Variants in CTBP2 observed in about 807,000 individuals in gnomAD.
CTBP2 encodes C-terminal-binding protein 2.
A neutral mutation model predicts 80.3 loss-of-function variants in CTBP2; 30 were observed. The ratio of observed to expected loss-of-function variants is 0.37; its 90% confidence interval spans 0.28 to 0.51. The LOEUF (loss-of-function observed/expected upper bound fraction) is 0.51, where lower values mean the gene tolerates loss of function less well. Among genes scored for constraint, CTBP2 ranks in the 20% least tolerant of loss-of-function variants. The probability of loss-of-function intolerance (pLI) is 0.93; values close to 1 mark genes in which losing one functional copy is unlikely to be tolerated. For synonymous variants in CTBP2, 594 were observed against 587.4 expected, an observed-to-expected ratio of 1.01 and a Z score of -0.16; for missense variants, 1,212 against 1,375.3, an observed-to-expected ratio of 0.88 and a Z score of 1.88.
upstream of CTBP2, among the ~76,000 whole-genome samples, chr10:125,162,083 T>G (rs1221466213): frequency 6.6e-6 from 1 of 152,240 alleles, no homozygotes; most frequent in Non-Finnish European, 1.5e-5. Context: ...CTCACTACCC[T>G]GAGTTCGGCG....
At position 125,028,004 on chromosome 10, in the gene CTBP2, T is replaced by C. The variant is rs1564746309; in HGVS notation, c.-245A>G. On this transcript the variant is annotated 5_prime_UTR_variant, in exon 1 of 9. Transcript: ENST00000309035. ...AACGATAGCCAGAGAGGTCTGTTCC[T>C]TACAGCTCAGTCCCGGAGAGGAGGC... The C allele has an allele frequency of 4.3e-6, 5 of 1,153,410 alleles. No individual in the cohort carries two copies. The East Asian group carries it at 1.7e-4, about 39-fold the overall frequency. The allele number at this position is 1,153,410 out of a possible 1,614,324, so 71.4% of individuals were successfully genotyped here. A position where few individuals can be genotyped will look rare whatever the true frequency, so the allele number is the denominator to read the frequency against.
chr10:125,082,589 C>T lies in CTBP2; in HGVS notation c.-102+28401G>A, dbSNP rs73377251. ...CCATGATCATTCTGCCAGCTTTCCTCTTTTTTTTTTTTTTTTTTGAAACAG... is the reference window on the plus strand; with the variant it reads ...CCATGATCATTCTGCCAGCTTTCCTTTTTTTTTTTTTTTTTTTTGAAACAG... On this transcript the variant is annotated intron_variant, in intron 2 of 10. Transcript: ENST00000337195. 1.3e-3 allele frequency among the ~76,000 whole-genome samples: 166 copies of T among 131,034 alleles called. 1 individual carries two copies. The highest frequency in any genetic ancestry group is 4.5e-3 in the African/African-American group (146 of 32,216). The allele number at this position is 131,034 out of a possible 152,430, so 86.0% of individuals were successfully genotyped here.
chr10:125,117,953 CAT>C (rs571399990), intron 1 of CTBP2, among the ~76,000 whole-genome samples: 135 of 152,326 alleles, frequency 8.9e-4, no homozygotes, highest in African/African-American at 3.2e-3. Flanking sequence ...AGAAACTTTA[CAT>C]ACACAGTCTT....
chr10:125,064,012 C>A (rs1307436746), intron 2 of CTBP2, among the ~76,000 whole-genome samples: 2 of 151,974 alleles, frequency 1.3e-5, no homozygotes, highest in African/African-American at 2.4e-5. Context: ...ATTTAATTAT[C>A]CAACTCCAAT....
At chr10:125,135,778 G>A (rs1856885240) in intron 1 of CTBP2, among the ~76,000 whole-genome samples, 1 of 152,014 alleles carries the variant, frequency 6.6e-6, no homozygotes, top group Non-Finnish European at 1.5e-5. Context: ...TTCTCGGTGT[G>A]TGGCCCTGGG....
In CTBP2 at chr10:125,020,324, A is replaced by C. The variant is rs112791535; in HGVS notation, c.1678+5758T>G. ...TGGGGGGATGGGATGGGGACAGCAC[A>C]GCCACACAAAACTATTATCTAGAAA... is the stretch of plus-strand genomic sequence containing the variant. On this transcript the variant is annotated intron_variant, in intron 1 of 8. Transcript: ENST00000309035. Among the ~76,000 whole-genome samples the C allele has an allele frequency of 3.3e-3, 503 of 152,212 alleles. 2 individuals are homozygous for C. Among genetic ancestry groups the C allele is most frequent in the African/African-American group, 0.011 (457 of 41,532 alleles).
chr10:125,013,563 T>C (rs1956155541), intron 1 of CTBP2, among the ~76,000 whole-genome samples: 1 of 152,222 alleles, frequency 6.6e-6, no homozygotes, highest in Non-Finnish European at 1.5e-5. Flanking sequence ...TTATACCATA[T>C]GCTGAGCATC....
chr10:125,139,556 GC>G, intron 1 of CTBP2, among the ~76,000 whole-genome samples: 1 of 151,946 alleles, frequency 6.6e-6, no homozygotes, highest in South Asian at 2.1e-4. Context: ...CTGTTCATTA[GC>G]CCCTGTTTTT....
chr10:125,098,730 G>GAGAGAGAGAC (rs1564914377), intron 2 of CTBP2, among the ~76,000 whole-genome samples: 8 of 126,858 alleles, frequency 6.3e-5, no homozygotes, highest in African/African-American at 2.6e-4. Flanking sequence ...GAGACAGAGA[G>GAGAGAGAGAC]AGAGAGAGAG....
intron 1 of CTBP2, among the ~76,000 whole-genome samples, chr10:125,150,163 G>C (rs962021288): frequency 6.6e-6 from 1 of 152,208 alleles, no homozygotes; most frequent in African/African-American, 2.4e-5. Context: ...GAATGCCAGA[G>C]GCAACCAGAG....
At chr10:125,144,986 C>CCTT (rs1331112644) in intron 1 of CTBP2, among the ~76,000 whole-genome samples, 1 of 152,170 alleles carries the variant, frequency 6.6e-6, no homozygotes, top group African/African-American at 2.4e-5. Flanking sequence ...ATTTCCTCTG[C>CCTT]CTTCCTAGAA....
intron 2 of CTBP2, among the ~76,000 whole-genome samples, chr10:125,070,332 C>T (rs965822780): frequency 1.3e-5 from 2 of 152,100 alleles, no homozygotes; most frequent in African/African-American, 4.8e-5. Flanking sequence ...GCCTGAGTGA[C>T]AGAGAGAGAC....
chr10:125,085,810 TC>T (rs1847883737), intron 2 of CTBP2, among the ~76,000 whole-genome samples: 1 of 152,222 alleles, frequency 6.6e-6, no homozygotes, highest in African/African-American at 2.4e-5. Flanking sequence ...CAAGCCATTT[TC>T]CAGAGACACC....
chr10:125,060,197 C>T (rs1197162603), intron 2 of CTBP2, among the ~76,000 whole-genome samples: 1 of 152,032 alleles, frequency 6.6e-6, no homozygotes, highest in African/African-American at 2.4e-5. Context: ...TTTAAGGCAC[C>T]GTGTGCTATT....
chr10:125,062,277 A>G (rs1965122016), intron 2 of CTBP2, among the ~76,000 whole-genome samples: 1 of 152,210 alleles, frequency 6.6e-6, no homozygotes, highest in Non-Finnish European at 1.5e-5. Context: ...AGCAAATGTT[A>G]GTCCTTTTAT....
intron 1 of CTBP2, among the ~76,000 whole-genome samples, chr10:125,137,340 G>T (rs944133340): frequency 6.6e-6 from 1 of 152,178 alleles, no homozygotes; most frequent in African/African-American, 2.4e-5. Flanking sequence ...TTCCCAAGGG[G>T]CCTGGGAGTC....
intron 2 of CTBP2, among the ~76,000 whole-genome samples, chr10:125,098,700 G>C (rs12778532): frequency 0.34 from 28,444 of 82,960 alleles, 2,139 homozygotes; most frequent in Non-Finnish European, 0.41. Context: ...GAGAGAGAGA[G>C]AGAGAGACAG....
chr10:125,094,913 G>C (rs1309554881), intron 2 of CTBP2, among the ~76,000 whole-genome samples: 1 of 151,648 alleles, frequency 6.6e-6, no homozygotes, highest in African/African-American at 2.4e-5. Context: ...CGCTGAAAGG[G>C]ACAAGTAAGT....
intron 1 of CTBP2, among the ~76,000 whole-genome samples, chr10:125,130,213 A>G (rs1855939707): frequency 6.6e-6 from 1 of 152,020 alleles, no homozygotes; most frequent in Admixed American, 6.5e-5. Context: ...ATGCCCAGCT[A>G]ATTTTTGTAT....
Sources: allele counts gnomAD v4.1 joint callset (sites outside exome capture counted in the v4.1 genomes callset), GRCh38; gene constraint gnomAD v4.1.1; transcripts MANE v1.5; gene names NCBI Gene and HGNC (gene_info 2026-07-23, HGNC 2026-07-21).